Variants in KDM5B observed in about 807,000 individuals in gnomAD.
KDM5B encodes the protein lysine demethylase 5B, also known as lysine-specific demethylase 5B.
KDM5B carries 144 observed loss-of-function variants against 193.4 expected under a neutral mutation model. The observed-to-expected ratio is 0.74, with a 90% CI of 0.65 to 0.86. The LOEUF is 0.86. Ranked by LOEUF, KDM5B falls within the 40% of genes least tolerant of loss-of-function variation. KDM5B has a pLI of 0.00. For missense variants in KDM5B, 1,833 were observed against 1,886.9 expected (o/e 0.97, Z 0.53); for synonymous variants, 668 against 682.6 (o/e 0.98, Z 0.33).
At chr1:202,741,777 T>A (rs890457283) in intron 18 of KDM5B, 55 bp from the exon 19 acceptor site, 45 of 967,808 alleles carry the variant, frequency 4.6e-5, no homozygotes, top group Non-Finnish European at 6.4e-5. Context: ...GTAATTGGCT[T>A]CTTTCAAACT....
At chr1:202,763,459 T>A (rs1331096678) in intron 6 of KDM5B, among the ~76,000 whole-genome samples, 1 of 152,258 alleles carries the variant, frequency 6.6e-6, no homozygotes, top group East Asian at 1.9e-4. Context: ...CTTTATATTG[T>A]ATCTCTATTA....
intron 16 of KDM5B, among the ~76,000 whole-genome samples, chr1:202,745,027 G>GTT (rs902056921): frequency 2.0e-5 from 3 of 152,202 alleles, no homozygotes; most frequent in African/African-American, 7.2e-5. Flanking sequence ...GAGGCAATTA[G>GTT]TTAGCAAACT....
Position 202,755,283 on chromosome 1 carries a change from T to C in KDM5B, c.1526A>G (p.Asn509Ser). ...TGGAACTTCTCACCAGTGCAAGTAGTTAATTGAATAGCTCCAGTGGTCTTC... is the reference window on the plus strand; with the variant it reads ...TGGAACTTCTCACCAGTGCAAGTAGCTAATTGAATAGCTCCAGTGGTCTTC... The part of the protein sequence containing the change: ...HIEDHWSYSI[N>S]YLHWGEPKTW... Residue 509 changes from asparagine to serine, a missense_variant, in exon 11 of 27, where the codon AAC becomes AGC. Asn to Ser is a conservative substitution (Grantham distance 46). Transcript: ENST00000367265. 6.2e-7 allele frequency: 1 copy of C among 1,613,960 alleles called. No homozygotes were observed. Among genetic ancestry groups the C allele is most frequent in the Non-Finnish European group, 8.5e-7 (1 of 1,179,858 alleles).
chr1:202,774,509 C>A, intron 3 of KDM5B, 104 bp downstream of exon 3: 1 of 1,063,744 alleles, frequency 9.4e-7, no homozygotes, highest in South Asian at 1.5e-5. Context: ...ATTACAGGTG[C>A]GAGCCACCTG....
rs987799705 is a variant in KDM5B, at chr1:202,742,825, T to G, written c.2324-20A>C. On this transcript the variant is annotated intron_variant, in intron 16 of 26. Coordinates refer to ENST00000367265, the MANE Select transcript of KDM5B (RefSeq NM_006618.5). ...CAAGGCCTAGGAATGAAGAAAAAAG[T>G]CATATTTTCTGTAATCATTATGTTT... The G allele has an allele frequency of 6.2e-7, 1 of 1,604,716 alleles. No homozygotes were observed. The highest frequency in any genetic ancestry group is 1.3e-5 in the African/African-American group (1 of 74,434).
chr1:202,808,397 G>T lies in KDM5B; in HGVS notation c.-92C>A. 2 of 1,203,756 alleles carry T rather than the reference G, an allele frequency of 1.7e-6. No individual in the cohort carries two copies. The highest frequency in any genetic ancestry group is 3.1e-5 in the South Asian group (2 of 63,792). The allele number at this position is 1,203,756 out of a possible 1,614,324, so 74.6% of individuals were successfully genotyped here. On this transcript the variant is annotated 5_prime_UTR_variant, in exon 1 of 27. Coordinates refer to ENST00000367265, the MANE Select transcript of KDM5B (RefSeq NM_006618.5). ...TCCGAGACCCGTGCAGACGCGGCTCGAGCAACAGCAAGTCCGAGTTGTACG... is the reference window on the plus strand; with the variant it reads ...TCCGAGACCCGTGCAGACGCGGCTCTAGCAACAGCAAGTCCGAGTTGTACG...
intron 2 of KDM5B, among the ~76,000 whole-genome samples, chr1:202,775,882 ATATATATAT>A (rs1656934265): frequency 1.4e-5 from 1 of 73,880 alleles, no homozygotes; most frequent in South Asian, 4.2e-4. Flanking sequence ...AAAAAAAAAT[ATATATATAT>A]ATATATATAT....
chr1:202,808,020 G>C (rs1046499583), intron 1 of KDM5B, 82 bp downstream of exon 1: 2 of 1,357,372 alleles, frequency 1.5e-6, no homozygotes, highest in Admixed American at 3.0e-5. Flanking sequence ...CCCGCCCCCC[G>C]CGCCTCGGGC....
intron 9 of KDM5B, among the ~76,000 whole-genome samples, chr1:202,757,263 C>T (rs919108773): frequency 6.6e-6 from 1 of 152,190 alleles, no homozygotes; most frequent in African/African-American, 2.4e-5. Flanking sequence ...CTGTGTGGCC[C>T]TGTTCCTAAC....
intron 3 of KDM5B, among the ~76,000 whole-genome samples, chr1:202,774,145 C>A (rs1261596754): frequency 6.6e-6 from 1 of 152,150 alleles, no homozygotes; most frequent in African/African-American, 2.4e-5. Flanking sequence ...ATGAGAAAAA[C>A]AGGTGGAAGC....
At chr1:202,768,564 T>G (rs559752421) in intron 4 of KDM5B, among the ~76,000 whole-genome samples, 1 of 152,178 alleles carries the variant, frequency 6.6e-6, no homozygotes, top group Admixed American at 6.5e-5. Flanking sequence ...TTATTTCTAA[T>G]AGTTAAGAAA....
intron 1 of KDM5B, among the ~76,000 whole-genome samples, chr1:202,789,823 A>ACATTATCCAGACATATTGGCACGTGC (rs1657571224): frequency 6.6e-6 from 1 of 152,050 alleles, no homozygotes; most frequent in Admixed American, 6.6e-5. Context: ...AAATGTTAAA[A>ACATTATCCAGACATATTGGCACGTGC]CATTATCCAG....
intron 1 of KDM5B, among the ~76,000 whole-genome samples, chr1:202,779,844 T>TAAATAAATAAAA (rs1553359863): frequency 2.1e-4 from 30 of 145,950 alleles, no homozygotes; most frequent in South Asian, 4.3e-4. Flanking sequence ...AATAAATAAA[T>TAAATAAATAAAA]AAAAAATAAA....
At chr1:202,737,905 G>A (rs1655155551) in intron 20 of KDM5B, among the ~76,000 whole-genome samples, 1 of 152,222 alleles carries the variant, frequency 6.6e-6, no homozygotes, top group Non-Finnish European at 1.5e-5. Flanking sequence ...TTGATATTTT[G>A]CTGCCTTTGA....
At position 202,808,329 on chromosome 1, in the gene KDM5B, G is replaced by A. The variant is rs574006560; in HGVS notation, c.-24C>T. On this transcript the variant is annotated 5_prime_UTR_variant, in exon 1 of 27. Transcript: ENST00000367265. ...ATCACCGCAGGCTGGGCAAGGGCGA[G>A]GCGAAGGTGGGCTCCGGGACCGAGG... The A allele has an allele frequency of 2.6e-6, 4 of 1,547,994 alleles. No homozygotes were observed. Among genetic ancestry groups the A allele is most frequent in the Non-Finnish European group, 3.5e-6 (4 of 1,150,520 alleles).
intron 1 of KDM5B, among the ~76,000 whole-genome samples, chr1:202,801,202 C>T (rs968387878): frequency 6.6e-6 from 1 of 152,024 alleles, no homozygotes; most frequent in African/African-American, 2.4e-5. Context: ...AATTTACTCC[C>T]TGAAGTGACG....
chr1:202,744,769 C>T (rs1487352883), intron 16 of KDM5B, among the ~76,000 whole-genome samples: 1 of 152,126 alleles, frequency 6.6e-6, no homozygotes, highest in East Asian at 1.9e-4. Flanking sequence ...GACTGAAATA[C>T]CATTTGACCG....
chr1:202,762,685 G>C lies in KDM5B; in HGVS notation c.918+14C>G. 6 of 1,360,062 alleles carry C rather than the reference G, an allele frequency of 4.4e-6. No homozygotes were observed. Among genetic ancestry groups the C allele is most frequent in the Non-Finnish European group, 6.3e-6 (6 of 948,040 alleles). 84.2% of individuals were successfully genotyped at this position (1,360,062 alleles called of 1,614,324 possible). ...AAACAGGAAAGAAAAAGGAGAAAGG[G>C]AGATGTCACTCACAGCATTGGTGGC... On this transcript the variant is annotated intron_variant, in intron 7 of 26. Coordinates refer to ENST00000367265, the MANE Select transcript of KDM5B (RefSeq NM_006618.5).
At chr1:202,784,497 A>G (rs1203049584) in intron 1 of KDM5B, among the ~76,000 whole-genome samples, 3 of 152,226 alleles carry the variant, frequency 2.0e-5, no homozygotes, top group African/African-American at 7.2e-5. Flanking sequence ...TAATATAAAG[A>G]TCAGAATAAC....
Sources: gnomAD v4.1 joint callset for allele counts (sites outside exome capture counted in the v4.1 genomes callset) on GRCh38, gnomAD v4.1.1 for gene constraint, MANE v1.5 for transcripts, NCBI Gene and HGNC (gene_info 2026-07-23, HGNC 2026-07-21) for gene names.